Variants in TASP1 observed in about 807,000 individuals in gnomAD.
TASP1 encodes taspase 1, also known as threonine aspartase 1.
A neutral mutation model predicts 56.6 loss-of-function variants in TASP1; 16 were observed. The ratio of observed to expected loss-of-function variants is 0.28; its 90% CI spans 0.19 to 0.43. TASP1 has a LOEUF of 0.43. Ranked by LOEUF, TASP1 falls within the 20% of genes least tolerant of loss-of-function variation. The pLI, the probability that TASP1 is intolerant of heterozygous loss-of-function variation, is 1.00. For missense variants in TASP1, 393 were observed against 511.6 expected, an observed-to-expected ratio of 0.77 and a Z score of 2.24; for synonymous variants, 179 against 184.2, an observed-to-expected ratio of 0.97 and a Z score of 0.23.
the TASP1 span, among the ~76,000 whole-genome samples, chr20:13,340,067 CT>C: frequency 6.6e-6 from 1 of 152,078 alleles, no homozygotes. Flanking sequence ...AAGGCCAATA[CT>C]ATCCAGCCTC....
the TASP1 span, among the ~76,000 whole-genome samples, chr20:13,350,685 T>TA: frequency 6.6e-5 from 10 of 151,898 alleles, no homozygotes; most frequent in Admixed American, 1.3e-4. Context: ...GATTTTTATT[T>TA]TTATATATAT....
At chr20:13,222,013 C>T in the TASP1 span, 1 of 1,112,570 alleles carries the variant, frequency 9.0e-7, no homozygotes, top group Non-Finnish European at 1.2e-6. Context: ...AGGCAGGTCC[C>T]CTGCCCCACC....
At chr20:13,459,809 A>G (rs1405228188) in intron 11 of TASP1, among the ~76,000 whole-genome samples, 1 of 152,036 alleles carries the variant, frequency 6.6e-6, no homozygotes, top group Non-Finnish European at 1.5e-5. Flanking sequence ...CAAGGTCAAT[A>G]GCTTCACCTG....
At chr20:13,437,594 G>T (rs914903759) in intron 11 of TASP1, among the ~76,000 whole-genome samples, 2 of 152,184 alleles carry the variant, frequency 1.3e-5, no homozygotes, top group African/African-American at 4.8e-5. Flanking sequence ...TGACATGATT[G>T]TACATCTAGA....
At chr20:13,123,047 T>C in the TASP1 span, among the ~76,000 whole-genome samples, 5 of 152,120 alleles carry the variant, frequency 3.3e-5, no homozygotes, top group Non-Finnish European at 7.3e-5. Flanking sequence ...TTAACAATAC[T>C]CGGCCAGGCG....
At chr20:13,221,251 TCC>T in the TASP1 span, among the ~76,000 whole-genome samples, 1 of 120,546 alleles carries the variant, frequency 8.3e-6, no homozygotes, top group Non-Finnish European at 1.8e-5. Flanking sequence ...CTCCTCCTCC[TCC>T]TCCTCCTCCT....
chr20:13,404,360 T>C (rs1440679518), intron 13 of TASP1, among the ~76,000 whole-genome samples: 1 of 152,188 alleles, frequency 6.6e-6, no homozygotes, highest in Non-Finnish European at 1.5e-5. Context: ...CTCAGTGCTT[T>C]GGGAGGCCGA....
intron 11 of TASP1, among the ~76,000 whole-genome samples, chr20:13,441,161 G>A (rs1284797682): frequency 1.3e-5 from 2 of 152,006 alleles, no homozygotes; most frequent in South Asian, 4.2e-4. Context: ...CATTCCCACT[G>A]ACAAGACCCT....
At chr20:13,426,333 T>C (rs1311718684) in intron 12 of TASP1, among the ~76,000 whole-genome samples, 2 of 152,196 alleles carry the variant, frequency 1.3e-5, no homozygotes, top group Admixed American at 6.5e-5. Context: ...TGAAACTGAC[T>C]ATAAAATTTC....
the TASP1 span, among the ~76,000 whole-genome samples, chr20:13,302,503 G>A: frequency 3.0e-3 from 460 of 152,156 alleles, 1 homozygote; most frequent in Non-Finnish European, 5.6e-3. Context: ...TTCAACACAG[G>A]GCCCCAAGCT....
chr20:13,216,228 G>C, the TASP1 span, among the ~76,000 whole-genome samples: 1 of 152,188 alleles, frequency 6.6e-6, no homozygotes, highest in African/African-American at 2.4e-5. Context: ...GAGAGTGATA[G>C]TTGAACTTCA....
chr20:13,306,580 A>AAAAAAAAAAAAAAAAAAAAAAAAAC, the TASP1 span, among the ~76,000 whole-genome samples: 1 of 150,958 alleles, frequency 6.6e-6, no homozygotes, highest in African/African-American at 2.4e-5. Context: ...AAAAAAAAAA[A>AAAAAAAAAAAAAAAAAAAAAAAAAC]AAAAAAGCAA....
At chr20:13,279,779 A>C in the TASP1 span, 1 of 1,613,984 alleles carries the variant, frequency 6.2e-7, no homozygotes, top group Non-Finnish European at 8.5e-7. Flanking sequence ...AACAGCGGGG[A>C]CCAGGACTAC....
chr20:13,365,086 G>A, the TASP1 span, among the ~76,000 whole-genome samples: 1 of 152,152 alleles, frequency 6.6e-6, no homozygotes, highest in Non-Finnish European at 1.5e-5. Flanking sequence ...GAATATCTTT[G>A]TCTCTTATTT....
At chr20:13,443,457 T>C (rs1358677039) in intron 11 of TASP1, among the ~76,000 whole-genome samples, 2 of 152,146 alleles carry the variant, frequency 1.3e-5, no homozygotes. Context: ...AAAAAACAAG[T>C]GGATTAGTAA....
intron 11 of TASP1, among the ~76,000 whole-genome samples, chr20:13,463,353 G>A (rs559765721): frequency 6.6e-6 from 1 of 152,138 alleles, no homozygotes; most frequent in South Asian, 2.1e-4. Context: ...TACAACATAT[G>A]CAAAAATAAA....
At chr20:13,172,559 T>C in the TASP1 span, among the ~76,000 whole-genome samples, 1 of 152,146 alleles carries the variant, frequency 6.6e-6, no homozygotes. Flanking sequence ...TTTTGCACAT[T>C]TGTTTGAATC....
the TASP1 span, among the ~76,000 whole-genome samples, chr20:13,158,685 C>A: frequency 7.9e-5 from 12 of 152,182 alleles, no homozygotes. Flanking sequence ...TTCTAACCTT[C>A]CTAGTTGAAA....
At chr20:13,234,501 C>T in the TASP1 span, among the ~76,000 whole-genome samples, 96 of 152,174 alleles carry the variant, frequency 6.3e-4, no homozygotes, top group African/African-American at 2.1e-3. Flanking sequence ...AATGGTAGTT[C>T]TCTTTTTGGT....
Sources: allele counts gnomAD v4.1 joint callset (sites outside exome capture counted in the v4.1 genomes callset), GRCh38; gene constraint gnomAD v4.1.1; transcripts MANE v1.5; gene names NCBI Gene and HGNC (gene_info 2026-07-23, HGNC 2026-07-21).